Variants in PRKCE observed in about 807,000 individuals in gnomAD.
PRKCE encodes protein kinase C epsilon, also known as protein kinase C epsilon type.
Under a neutral mutation model 85.4 loss-of-function variants are expected in PRKCE, and 16 were observed. That is an observed-to-expected ratio of 0.19 (90% CI 0.13 to 0.28). The LOEUF (loss-of-function observed/expected upper bound fraction) is 0.28. Ranked by LOEUF, PRKCE falls within the 10% of genes least tolerant of loss-of-function variation. The probability of loss-of-function intolerance (pLI) is 1.00; values close to 1 mark genes in which losing one functional copy is unlikely to be tolerated. For synonymous variants in PRKCE, 388 were observed against 371.5 expected, an observed-to-expected ratio of 1.04 and a Z score of -0.51; for missense variants, 573 against 975.2, an observed-to-expected ratio of 0.59 and a Z score of 5.49.
chr2:45,659,525 C>A (rs2103731578), intron 1 of PRKCE, among the ~76,000 whole-genome samples: 1 of 152,270 alleles, frequency 6.6e-6, no homozygotes, highest in Middle Eastern at 3.4e-3. Flanking sequence ...TGAGATTATC[C>A]CTTACCATAA....
In PRKCE at chr2:46,186,578, G is replaced by C. The variant is rs1680465354; in HGVS notation, c.*1697G>C. 1 of 152,320 alleles carries C rather than the reference G, an allele frequency of 6.6e-6. No individual in the cohort carries two copies. The highest frequency in any genetic ancestry group is 1.5e-5 in the Non-Finnish European group (1 of 67,976). The allele number at this position is 152,320 out of a possible 1,614,324, so 9.4% of individuals were successfully genotyped here. A position where few individuals can be genotyped will look rare whatever the true frequency, so the allele number is the denominator to read the frequency against. ...GGTGTGTTCCTTTATGGGGGATGGG[G>C]GGGTGTGTTGGGGATTCTTTGTATT... is the stretch of plus-strand genomic sequence containing the variant. On this transcript the variant is annotated 3_prime_UTR_variant, in exon 15 of 15. Transcript: ENST00000306156.
intron 1 of PRKCE, among the ~76,000 whole-genome samples, chr2:45,823,643 C>A (rs1689714081): frequency 6.6e-6 from 1 of 152,200 alleles, no homozygotes; most frequent in African/African-American, 2.4e-5. Flanking sequence ...GCACTCCCAA[C>A]TTCTTGGTTT....
chr2:46,073,088 G>C (rs532897486), intron 10 of PRKCE, among the ~76,000 whole-genome samples: 1 of 152,278 alleles, frequency 6.6e-6, no homozygotes, highest in South Asian at 2.1e-4. Context: ...CTACCAAGGG[G>C]TTCTAAACGT....
At chr2:45,716,713 A>G (rs1369322439) in intron 1 of PRKCE, among the ~76,000 whole-genome samples, 1 of 65,150 alleles carries the variant, frequency 1.5e-5, no homozygotes, top group Admixed American at 1.5e-4. Flanking sequence ...GAAGGAAGGA[A>G]GGAAGGAAGG....
intron 7 of PRKCE, among the ~76,000 whole-genome samples, chr2:46,002,751 T>G (rs1704807544): frequency 6.6e-6 from 1 of 152,172 alleles, no homozygotes; most frequent in African/African-American, 2.4e-5. Context: ...AGAGTATCAG[T>G]ACCCAAGAAT....
At chr2:45,779,897 C>G (rs1179121271) in intron 1 of PRKCE, among the ~76,000 whole-genome samples, 4 of 152,134 alleles carry the variant, frequency 2.6e-5, no homozygotes, top group Non-Finnish European at 5.9e-5. Context: ...TAAACATATG[C>G]AAACCTAGAA....
chr2:45,963,833 GTGC>G (rs60644906), intron 2 of PRKCE, among the ~76,000 whole-genome samples: 24,943 of 152,208 alleles, frequency 0.16, 2,686 homozygotes, highest in East Asian at 0.39. Flanking sequence ...AAATTAGCAA[GTGC>G]TCAAAACTGC....
Position 45,652,526 on chromosome 2 carries a change from G to GGGCT in PRKCE, c.348+79_348+82dup. The GGGCT allele has an allele frequency of 7.4e-7, 1 of 1,359,462 alleles. No homozygotes were observed. The highest frequency in any genetic ancestry group is 9.9e-7 in the Non-Finnish European group (1 of 1,009,862). The allele number at this position is 1,359,462 out of a possible 1,614,324, so 84.2% of individuals were successfully genotyped here. A position where few individuals can be genotyped will look rare whatever the true frequency, so the allele number is the denominator to read the frequency against. On this transcript the variant is annotated intron_variant, in intron 1 of 14. Coordinates refer to ENST00000306156, the MANE Select transcript of PRKCE (RefSeq NM_005400.3). The surrounding 1 kb of genome is among the most constrained non-coding windows in gnomAD (Gnocchi z 7.7). ...GAAAGACTCGCTGGTCTTGATCGTA[G>GGGCT]GGCTCCGGGACTTATTGACGACTGG...
intron 11 of PRKCE, among the ~76,000 whole-genome samples, chr2:46,127,497 A>G (rs1221285369): frequency 6.6e-6 from 1 of 152,230 alleles, no homozygotes; most frequent in African/African-American, 2.4e-5. Context: ...ATAGAAGCCC[A>G]CTGCATTTGT....
At chr2:46,171,932 C>T (rs569922218) in intron 14 of PRKCE, among the ~76,000 whole-genome samples, 1 of 152,204 alleles carries the variant, frequency 6.6e-6, no homozygotes, top group African/African-American at 2.4e-5. Flanking sequence ...GCACAAGGGT[C>T]AAGGTATATA....
chr2:46,050,343 C>T (rs143188100), intron 10 of PRKCE, among the ~76,000 whole-genome samples: 157 of 152,330 alleles, frequency 1.0e-3, no homozygotes, highest in Middle Eastern at 3.4e-3. Context: ...GTTTATTTGC[C>T]GAGCCGTCCC....
intron 2 of PRKCE, among the ~76,000 whole-genome samples, chr2:45,970,394 T>C (rs895770914): frequency 4.6e-5 from 7 of 152,202 alleles, no homozygotes; most frequent in Non-Finnish European, 8.8e-5. Context: ...ATATTTCAAT[T>C]TGTTGATACA....
At chr2:45,689,712 A>G (rs1244199098) in intron 1 of PRKCE, among the ~76,000 whole-genome samples, 1 of 152,034 alleles carries the variant, frequency 6.6e-6, no homozygotes, top group Non-Finnish European at 1.5e-5. Context: ...CCTGGGCAAC[A>G]TGGTAAAACC....
intron 10 of PRKCE, among the ~76,000 whole-genome samples, chr2:46,053,807 G>C (rs572762921): frequency 2.0e-5 from 3 of 152,186 alleles, no homozygotes; most frequent in African/African-American, 7.2e-5. Flanking sequence ...GCAATTGCGA[G>C]TAATGCTGCT....
At chr2:45,770,234 G>A (rs1685208754) in intron 1 of PRKCE, among the ~76,000 whole-genome samples, 1 of 152,172 alleles carries the variant, frequency 6.6e-6, no homozygotes, top group Non-Finnish European at 1.5e-5. Flanking sequence ...CTGCCCTAGG[G>A]TCAAATGCAG....
chr2:46,009,956 A>T (rs941089674), intron 9 of PRKCE, among the ~76,000 whole-genome samples: 1 of 152,262 alleles, frequency 6.6e-6, no homozygotes, highest in Non-Finnish European at 1.5e-5. Context: ...ATGAATAACC[A>T]TTCAACAGAT....
At chr2:45,755,811 C>G (rs944486458) in intron 1 of PRKCE, among the ~76,000 whole-genome samples, 2 of 152,182 alleles carry the variant, frequency 1.3e-5, no homozygotes, top group Non-Finnish European at 2.9e-5. Context: ...AAAGAACTGG[C>G]TCAGACAGGG....
At chr2:45,904,911 A>T (rs1368647339) in intron 2 of PRKCE, among the ~76,000 whole-genome samples, 1 of 152,120 alleles carries the variant, frequency 6.6e-6, no homozygotes, top group African/African-American at 2.4e-5. Flanking sequence ...GGGAGGAGTC[A>T]GGGGAACCTG....
chr2:46,108,324 A>G (rs1671936377), intron 11 of PRKCE, among the ~76,000 whole-genome samples: 1 of 152,224 alleles, frequency 6.6e-6, no homozygotes, highest in African/African-American at 2.4e-5. Flanking sequence ...TTATGTTAAT[A>G]GTGTCTTTTA....
Sources: gnomAD v4.1 joint callset for allele counts (sites outside exome capture counted in the v4.1 genomes callset) on GRCh38, gnomAD v4.1.1 for gene constraint, Gnocchi (gnomAD v3.1) non-coding constraint, MANE v1.5 for transcripts, NCBI Gene and HGNC (gene_info 2026-07-23, HGNC 2026-07-21) for gene names.